Variants in VWA8 observed in about 807,000 individuals in gnomAD.
VWA8 encodes the protein von Willebrand factor A domain-containing protein 8.
Under a neutral mutation model 241.5 loss-of-function variants are expected in VWA8, and 221 were observed. That is an observed-to-expected ratio of 0.91 (90% CI 0.82 to 1.02). The LOEUF is 1.02. VWA8 is among the 50% of genes least tolerant of loss of function. VWA8 has a pLI of 0.00. For missense variants in VWA8, 2,322 were observed against 2,328.7 expected (o/e 1.00, Z 0.06); for synonymous variants, 852 against 827.1 (o/e 1.03, Z -0.52).
In VWA8 at chr13:41,685,085, G is replaced by A. The variant is rs2045126194; in HGVS notation, c.4289C>T (p.Pro1430Leu). 6.2e-7 allele frequency: 1 copy of A among 1,613,362 alleles called. No homozygotes were observed. The highest frequency in any genetic ancestry group is 8.5e-7 in the Non-Finnish European group (1 of 1,179,654). ...LDTNQVVRIL[P>L]PGEVPLKDIY... The stretch of plus-strand genomic sequence containing the variant: ...ATCTTTTAGAGGGACTTCTCCTGGG[G>A]GTAAAATCCTCACTACCTGATTCGT... The change falls in exon 35 of 45, where the codon CCC (proline) becomes CTC (leucine). Residue 1430 changes from proline to leucine, a missense_variant. Coordinates refer to ENST00000379310, the MANE Select transcript of VWA8 (RefSeq NM_015058.2).
rs575267544 is a variant in VWA8, at chr13:41,703,216, T to C, written c.3225+87A>G. On this transcript the variant is annotated intron_variant, in intron 27 of 44. Transcript: ENST00000379310. ...TAAAATAACATCCGAACAAATCATT[T>C]CTGAGATTGTTTGAATTATCTCCAG... 5 of 1,069,608 alleles carry C rather than the reference T, an allele frequency of 4.7e-6. No homozygotes were observed. The African/African-American group carries it at 7.9e-5, about 17-fold the overall frequency. 66.3% of individuals were successfully genotyped at this position (1,069,608 alleles called of 1,614,324 possible). A position where few individuals can be genotyped will look rare whatever the true frequency, so the allele number is the denominator to read the frequency against.
chr13:41,923,787 A>G (rs990660233), intron 2 of VWA8, among the ~76,000 whole-genome samples: 1 of 152,012 alleles, frequency 6.6e-6, no homozygotes, highest in Non-Finnish European at 1.5e-5. Flanking sequence ...ACCTGTAGTC[A>G]TTGCTGAAAT....
intron 21 of VWA8, among the ~76,000 whole-genome samples, chr13:41,759,617 T>C (rs908655938): frequency 3.3e-5 from 5 of 151,776 alleles, no homozygotes; most frequent in Non-Finnish European, 4.4e-5. Context: ...ATTCCGTCAT[T>C]ATGTTCATTT....
chr13:41,634,296 A>T (rs1191109164), intron 37 of VWA8, among the ~76,000 whole-genome samples: 1 of 151,966 alleles, frequency 6.6e-6, no homozygotes, highest in African/African-American at 2.4e-5. Flanking sequence ...ACACTTAGGA[A>T]TTTTTTCATG....
At chr13:41,888,282 G>T (rs990376876) in intron 5 of VWA8, among the ~76,000 whole-genome samples, 3 of 152,182 alleles carry the variant, frequency 2.0e-5, no homozygotes, top group African/African-American at 7.2e-5. Context: ...AAATTTGTGT[G>T]AATGCACATT....
At chr13:41,944,814 C>G (rs1341377492) in intron 2 of VWA8, among the ~76,000 whole-genome samples, 2 of 147,734 alleles carry the variant, frequency 1.4e-5, no homozygotes, top group Non-Finnish European at 3.0e-5. Flanking sequence ...AGCACTAACT[C>G]GGGGCATTTG....
chr13:41,943,354 T>C (rs916623936), intron 2 of VWA8, among the ~76,000 whole-genome samples: 1 of 152,148 alleles, frequency 6.6e-6, no homozygotes, highest in Non-Finnish European at 1.5e-5. Context: ...GGCTATATTA[T>C]GAAAAAATGG....
rs745691421 is a variant in VWA8 at position 41,787,534 on chromosome 13, G to C, written c.2073C>G (p.Pro691=). ...TTTCTAATGCTGACCTAGCAAGACT[G>C]GGTAAAAACCTGGAGGATGAAGAGG... The part of the protein sequence containing the change: ...VTKACLSRFL[P]SLARSALEKN... Residue 691 remains proline (P), a synonymous_variant, in exon 18 of 45, where the codon CCC becomes CCG. Transcript: ENST00000379310. 2 of 1,610,990 alleles carry C rather than the reference G, an allele frequency of 1.2e-6. No homozygotes were observed. Among genetic ancestry groups the C allele is most frequent in the Non-Finnish European group, 1.7e-6 (2 of 1,178,266 alleles).
chr13:41,611,568 G>A lies in VWA8; in HGVS notation c.4877+8C>T, dbSNP rs143206666. 221 of 1,613,802 alleles carry A rather than the reference G, an allele frequency of 1.4e-4. No individual in the cohort carries two copies. The East Asian group carries it at 3.6e-3, about 26-fold the overall frequency. ...TAGTGCTGGTCTAAATGTGATGGGA[G>A]CACTGACCTCTGCTGGAATGCTCTC... On this transcript the variant is annotated splice_region_variant and intron_variant, in intron 39 of 44. Coordinates refer to ENST00000379310, the MANE Select transcript of VWA8 (RefSeq NM_015058.2).
chr13:41,665,087 C>T (rs898419018), intron 37 of VWA8, among the ~76,000 whole-genome samples: 4 of 152,036 alleles, frequency 2.6e-5, no homozygotes, highest in Non-Finnish European at 4.4e-5. Context: ...TACATTTTAA[C>T]ACTAGTATAG....
chr13:41,784,737 C>CACACAT (rs1191810226), intron 18 of VWA8, among the ~76,000 whole-genome samples: 7 of 72,562 alleles, frequency 9.6e-5, no homozygotes, highest in Non-Finnish European at 1.1e-4. Flanking sequence ...TATACACACA[C>CACACAT]ATATATATAT....
rs534879726 is a variant in VWA8, at chr13:41,603,877, T to C, written c.4986+1291A>G. On this transcript the variant is annotated intron_variant, in intron 40 of 44. Coordinates refer to ENST00000379310, the MANE Select transcript of VWA8 (RefSeq NM_015058.2). ...GTAAATTCAAACATTACATTCTCCA[T>C]GAAGCCTTTCCTCATTTCGTCTCAT... Among the ~76,000 whole-genome samples the C allele has an allele frequency of 3.3e-4, 51 of 152,316 alleles. 1 individual carries two copies. In the South Asian group the frequency reaches 0.01, roughly 31 times the overall value.
chr13:41,686,181 C>A (rs1593696441), intron 34 of VWA8, among the ~76,000 whole-genome samples: 3 of 152,164 alleles, frequency 2.0e-5, no homozygotes, highest in South Asian at 4.2e-4. Flanking sequence ...ATTCCCAGGC[C>A]AATACATGGT....
intron 29 of VWA8, among the ~76,000 whole-genome samples, chr13:41,698,411 T>C (rs1031093857): frequency 1.3e-5 from 2 of 152,132 alleles, no homozygotes; most frequent in Non-Finnish European, 2.9e-5. Context: ...TTCTGATATA[T>C]GTGTTTTGTT....
chr13:41,720,329 T>C (rs1469305884), intron 25 of VWA8, among the ~76,000 whole-genome samples: 9 of 152,102 alleles, frequency 5.9e-5, no homozygotes, highest in Non-Finnish European at 1.2e-4. Flanking sequence ...AGGTGATGGG[T>C]TCTGAGCTGG....
rs75124848 is a variant in VWA8 at position 41,568,206 on chromosome 13, C to T, written c.5709G>A (p.Ser1903=). The change falls in exon 45 of 45, where the codon TCG becomes TCA. Residue 1903 remains serine, a synonymous_variant. Coordinates refer to ENST00000379310, the MANE Select transcript of VWA8 (RefSeq NM_015058.2). ...TGATGAAGGGCACTTCTTAGACACT[C>T]GACAACATGGTGGAGGTGAAGATCT... is the stretch of plus-strand genomic sequence containing the variant. The part of the protein sequence containing the change: ...LQQIFTSTML[S]SV 560 of 1,613,542 alleles carry T rather than the reference C, an allele frequency of 3.5e-4. 2 individuals are homozygous for T. The African/African-American group carries it at 3.9e-3, about 11-fold the overall frequency.
At chr13:41,832,734 CA>C (rs1349677295) in intron 13 of VWA8, among the ~76,000 whole-genome samples, 1 of 152,008 alleles carries the variant, frequency 6.6e-6, no homozygotes, top group Non-Finnish European at 1.5e-5. Context: ...ATATTTTCTA[CA>C]AAAGTTACAC....
At chr13:41,569,030 C>T (rs977330571) in intron 44 of VWA8, among the ~76,000 whole-genome samples, 12 of 152,210 alleles carry the variant, frequency 7.9e-5, no homozygotes, top group Admixed American at 5.9e-4. Context: ...TTGAAGGCAA[C>T]AAAACTGTAA....
intron 35 of VWA8, among the ~76,000 whole-genome samples, chr13:41,680,984 G>A (rs1411140857): frequency 6.6e-6 from 1 of 152,218 alleles, no homozygotes; most frequent in Admixed American, 6.5e-5. Context: ...TTCCCAACTA[G>A]TTCCCAACTC....
Sources: allele counts gnomAD v4.1 joint callset (sites outside exome capture counted in the v4.1 genomes callset), GRCh38; gene constraint gnomAD v4.1.1; transcripts MANE v1.5; gene names NCBI Gene and HGNC (gene_info 2026-07-23, HGNC 2026-07-21).